Variants in MARCHF1 observed in about 807,000 individuals in gnomAD.
The protein encoded by MARCHF1 is membrane associated ring-CH-type finger 1.
A neutral mutation model predicts 54.2 loss-of-function variants in MARCHF1; 40 were observed. That is an observed-to-expected ratio of 0.74 (90% CI 0.57 to 0.96). The LOEUF (loss-of-function observed/expected upper bound fraction) is 0.96. Ranked by LOEUF, MARCHF1 falls within the 40% of genes least tolerant of loss-of-function variation. The pLI, the probability that MARCHF1 is intolerant of heterozygous loss-of-function variation, is 0.00. For missense variants in MARCHF1, 586 were observed against 656.5 expected, an observed-to-expected ratio of 0.89 and a Z score of 1.17; for synonymous variants, 236 against 236.3, an observed-to-expected ratio of 1.00 and a Z score of 0.01.
At chr4:163,570,397 C>T (rs993739650) in intron 8 of MARCHF1, among the ~76,000 whole-genome samples, 1 of 151,998 alleles carries the variant, frequency 6.6e-6, no homozygotes, top group African/African-American at 2.4e-5. Context: ...TTCAACGGAA[C>T]CCCCAAAAGT....
At chr4:164,241,307 T>C (rs1364540132) in intron 1 of MARCHF1, among the ~76,000 whole-genome samples, 1 of 152,164 alleles carries the variant, frequency 6.6e-6, no homozygotes, top group Admixed American at 6.5e-5. Context: ...ATTTGAGAAA[T>C]ACCTCCAGTC....
chr4:164,151,516 T>C (rs1251115293), intron 1 of MARCHF1, among the ~76,000 whole-genome samples: 1 of 152,182 alleles, frequency 6.6e-6, no homozygotes, highest in East Asian at 1.9e-4. Context: ...ATGTTGTACT[T>C]GTCTCAGACT....
chr4:163,659,088 G>A (rs541026841), intron 5 of MARCHF1, among the ~76,000 whole-genome samples: 1 of 151,970 alleles, frequency 6.6e-6, no homozygotes, highest in African/African-American at 2.4e-5. Context: ...TATGGTATTA[G>A]TTTATTTAGA....
intron 4 of MARCHF1, among the ~76,000 whole-genome samples, chr4:163,776,026 T>C (rs1747295917): frequency 6.6e-6 from 1 of 152,170 alleles, no homozygotes; most frequent in Non-Finnish European, 1.5e-5. Context: ...AAGAAGATTC[T>C]GATAGACCAT....
At chr4:164,378,044 A>G (rs1049717674) in intron 1 of MARCHF1, among the ~76,000 whole-genome samples, 1 of 152,252 alleles carries the variant, frequency 6.6e-6, no homozygotes, top group Non-Finnish European at 1.5e-5. Flanking sequence ...AGATATAAGG[A>G]CAGTATTCTG....
At chr4:164,372,731 A>G (rs1223669190) in intron 1 of MARCHF1, among the ~76,000 whole-genome samples, 1 of 152,134 alleles carries the variant, frequency 6.6e-6, no homozygotes, top group African/African-American at 2.4e-5. Context: ...TTTTGAAATA[A>G]AGTTTCCTTT....
At chr4:164,191,565 G>A (rs756777973) in intron 1 of MARCHF1, among the ~76,000 whole-genome samples, 3 of 152,042 alleles carry the variant, frequency 2.0e-5, no homozygotes, top group African/African-American at 4.8e-5. Context: ...TTGAATGATG[G>A]CTCTAAAGTT....
At chr4:163,717,566 C>T (rs893678424) in intron 4 of MARCHF1, among the ~76,000 whole-genome samples, 37 of 152,214 alleles carry the variant, frequency 2.4e-4, no homozygotes, top group African/African-American at 8.7e-4. Flanking sequence ...CTTGAGGAAT[C>T]GCCACACTGA....
chr4:163,688,038 C>A (rs570538673), intron 5 of MARCHF1, among the ~76,000 whole-genome samples: 1 of 152,164 alleles, frequency 6.6e-6, no homozygotes, highest in South Asian at 2.1e-4. Context: ...TCCAAATAGG[C>A]TATGCACATT....
intron 1 of MARCHF1, among the ~76,000 whole-genome samples, chr4:164,258,139 A>C (rs1268498641): frequency 6.6e-6 from 1 of 152,144 alleles, no homozygotes; most frequent in Non-Finnish European, 1.5e-5. Context: ...ATTCTCAGCA[A>C]ACACGGGAAC....
intron 8 of MARCHF1, among the ~76,000 whole-genome samples, chr4:163,546,762 C>A (rs1269261958): frequency 6.6e-6 from 1 of 152,214 alleles, no homozygotes; most frequent in African/African-American, 2.4e-5. Context: ...TTGAGGGCTG[C>A]TCCCTCAGTC....
intron 7 of MARCHF1, among the ~76,000 whole-genome samples, chr4:163,600,413 T>C (rs887851211): frequency 1.3e-5 from 2 of 152,020 alleles, no homozygotes; most frequent in East Asian, 3.9e-4. Context: ...CATAAAATTT[T>C]CCCAGGTGAG....
intron 4 of MARCHF1, among the ~76,000 whole-genome samples, chr4:163,846,795 G>A (rs1408776781): frequency 1.3e-5 from 2 of 151,946 alleles, no homozygotes; most frequent in African/African-American, 2.4e-5. Context: ...ACAAGATATT[G>A]TGCTTAATAG....
At chr4:164,183,215 C>A (rs1398464647) in intron 1 of MARCHF1, among the ~76,000 whole-genome samples, 1 of 152,094 alleles carries the variant, frequency 6.6e-6, no homozygotes, top group Non-Finnish European at 1.5e-5. Context: ...TCTCTATTCC[C>A]ATCTACCCAA....
chr4:163,776,854 G>A (rs1254007865), intron 4 of MARCHF1, among the ~76,000 whole-genome samples: 1 of 152,106 alleles, frequency 6.6e-6, no homozygotes, highest in African/African-American at 2.4e-5. Flanking sequence ...TATTTGATTT[G>A]AAATATTCAA....
intron 1 of MARCHF1, among the ~76,000 whole-genome samples, chr4:164,143,152 C>T (rs1337109331): frequency 1.3e-5 from 2 of 151,290 alleles, no homozygotes; most frequent in East Asian, 3.9e-4. Context: ...AGCAAAGCCT[C>T]CAAGAAATAT....
chr4:163,979,518 G>C (rs1401244868), intron 3 of MARCHF1, among the ~76,000 whole-genome samples: 8 of 143,292 alleles, frequency 5.6e-5, no homozygotes, highest in Non-Finnish European at 7.7e-5. Flanking sequence ...ATGATTTATA[G>C]TCATTTGGGT....
intron 4 of MARCHF1, among the ~76,000 whole-genome samples, chr4:163,847,726 G>A (rs1252449068): frequency 1.3e-5 from 2 of 151,690 alleles, no homozygotes; most frequent in Admixed American, 6.6e-5. Flanking sequence ...GATTACAGGT[G>A]GCTGCCACCA....
chr4:163,912,769 G>A (rs1489331583), intron 3 of MARCHF1, among the ~76,000 whole-genome samples: 4 of 152,038 alleles, frequency 2.6e-5, no homozygotes, highest in African/African-American at 7.2e-5. Context: ...ATTGTCTGCC[G>A]GCCTTAACTC....
Sources: gnomAD v4.1 joint callset for allele counts (sites outside exome capture counted in the v4.1 genomes callset) on GRCh38, gnomAD v4.1.1 for gene constraint, MANE v1.5 for transcripts, NCBI Gene and HGNC (gene_info 2026-07-23, HGNC 2026-07-21) for gene names.